NRG3: variants seen among roughly 807,000 people sequenced by gnomAD.
NRG3 encodes neuregulin 3, also known as pro-neuregulin-3, membrane-bound isoform.
Under a neutral mutation model 66.9 loss-of-function variants are expected in NRG3, and 31 were observed. The observed-to-expected ratio is 0.46, with a 90% CI of 0.35 to 0.63. The LOEUF is 0.63. Among genes scored for constraint, NRG3 ranks in the 20% least tolerant of loss-of-function variants. The pLI is 0.00. For missense variants in NRG3, 910 were observed against 878.9 expected (o/e 1.04, Z -0.45); for synonymous variants, 393 against 359.4 (o/e 1.09, Z -1.06).
In NRG3 at chr10:82,584,568, T is replaced by C. The variant is rs1259844748; in HGVS notation, c.954-154009T>C. On this transcript the variant is annotated intron_variant, in intron 2 of 8. Coordinates refer to ENST00000372141, the MANE Select transcript of NRG3 (RefSeq NM_001010848.4). ...CTTTGAAAAACTCTAGCTTGAACTT[T>C]GCAATCCTCACTTTCCTTTGGGAAT... is the stretch of plus-strand genomic sequence containing the variant. 3.9e-5 allele frequency among the ~76,000 whole-genome samples: 6 copies of C among 152,354 alleles called. No individual in the cohort carries two copies. In the East Asian group the frequency reaches 1.2e-3, roughly 29 times the overall value.
intron 1 of NRG3, among the ~76,000 whole-genome samples, chr10:81,912,020 C>T (rs770884767): frequency 1.3e-5 from 2 of 152,092 alleles, no homozygotes; most frequent in Non-Finnish European, 2.9e-5. Context: ...TAAAAAAAGT[C>T]TCCAAAATTA....
intron 3 of NRG3, among the ~76,000 whole-genome samples, chr10:82,783,847 G>T (rs1489196414): frequency 3.3e-5 from 5 of 152,140 alleles, no homozygotes; most frequent in South Asian, 4.2e-4. Context: ...CACAGAATTG[G>T]AAAAAACCAC....
chr10:82,588,299 T>G (rs2046788540), intron 2 of NRG3, among the ~76,000 whole-genome samples: 1 of 152,070 alleles, frequency 6.6e-6, no homozygotes, highest in Admixed American at 6.6e-5. Context: ...AGTTTTTGCT[T>G]TAGTAGTTCA....
At chr10:81,895,259 A>G (rs1297151670) in intron 1 of NRG3, among the ~76,000 whole-genome samples, 1 of 152,204 alleles carries the variant, frequency 6.6e-6, no homozygotes, top group Non-Finnish European at 1.5e-5. Flanking sequence ...CAAGCATTAC[A>G]GTTTTAAGAT....
chr10:82,924,762 C>G (rs1846814101), intron 4 of NRG3, among the ~76,000 whole-genome samples: 1 of 152,138 alleles, frequency 6.6e-6, no homozygotes, highest in South Asian at 2.1e-4. Context: ...CAATGATCCT[C>G]TGCATTTTGA....
At chr10:81,930,247 TA>T (rs1248165240) in intron 1 of NRG3, among the ~76,000 whole-genome samples, 1 of 152,060 alleles carries the variant, frequency 6.6e-6, no homozygotes, top group Non-Finnish European at 1.5e-5. Flanking sequence ...CCCCATAAGT[TA>T]AAGAGTATGG....
At chr10:82,060,504 A>G (rs924359211) in intron 1 of NRG3, among the ~76,000 whole-genome samples, 1 of 152,200 alleles carries the variant, frequency 6.6e-6, no homozygotes, top group Non-Finnish European at 1.5e-5. Context: ...GCATAGATCA[A>G]AGATGCAATA....
At chr10:82,946,211 T>TAAA (rs201328836) in intron 4 of NRG3, among the ~76,000 whole-genome samples, 7 of 129,154 alleles carry the variant, frequency 5.4e-5, no homozygotes, top group African/African-American at 1.4e-4. Context: ...ATTTGAGATT[T>TAAA]AAAAAAAAAA....
At chr10:82,856,638 G>C (rs181713849) in intron 3 of NRG3, among the ~76,000 whole-genome samples, 2 of 151,608 alleles carry the variant, frequency 1.3e-5, no homozygotes, top group African/African-American at 2.4e-5. Context: ...CAGCTACTTG[G>C]GGGGCTGAGA....
chr10:81,989,675 A>T (rs2060661881), intron 1 of NRG3, among the ~76,000 whole-genome samples: 1 of 152,094 alleles, frequency 6.6e-6, no homozygotes, highest in African/African-American at 2.4e-5. Flanking sequence ...TTTGGATTTG[A>T]GGTCATAGGA....
At chr10:82,106,951 T>A (rs974134092) in intron 1 of NRG3, among the ~76,000 whole-genome samples, 5 of 152,210 alleles carry the variant, frequency 3.3e-5, no homozygotes, top group African/African-American at 1.2e-4. Context: ...CCATTTGGTG[T>A]AGCAATTTAT....
intron 1 of NRG3, among the ~76,000 whole-genome samples, chr10:82,232,084 A>G (rs977989385): frequency 3.5e-4 from 54 of 152,198 alleles, no homozygotes; most frequent in African/African-American, 1.2e-3. Flanking sequence ...TCAGTTTTGC[A>G]AAGAATCAGA....
chr10:82,610,897 A>G (rs2048273352), intron 2 of NRG3, among the ~76,000 whole-genome samples: 1 of 152,182 alleles, frequency 6.6e-6, no homozygotes, highest in Non-Finnish European at 1.5e-5. Context: ...AGAAAGGACA[A>G]ATATTTTAAC....
intron 1 of NRG3, among the ~76,000 whole-genome samples, chr10:82,066,451 C>T (rs1482241460): frequency 5.3e-5 from 8 of 152,098 alleles, no homozygotes; most frequent in Non-Finnish European, 7.4e-5. Flanking sequence ...CTTACTGTTA[C>T]GTACTTTTCT....
intron 3 of NRG3, among the ~76,000 whole-genome samples, chr10:82,853,107 T>C (rs1376021886): frequency 6.6e-6 from 1 of 152,170 alleles, no homozygotes; most frequent in African/African-American, 2.4e-5. Flanking sequence ...CAATGAGCAA[T>C]AAATTATATA....
chr10:82,890,725 T>C (rs541983407), intron 4 of NRG3, among the ~76,000 whole-genome samples: 1 of 152,348 alleles, frequency 6.6e-6, no homozygotes, highest in Admixed American at 6.5e-5. Context: ...TTTTGTCCTT[T>C]GGTTTTCCAA....
chr10:82,721,373 C>G (rs1480221068), intron 2 of NRG3, among the ~76,000 whole-genome samples: 3 of 151,656 alleles, frequency 2.0e-5, no homozygotes, highest in Non-Finnish European at 4.4e-5. Flanking sequence ...CTTCTGACCT[C>G]GTGATCCGCC....
intron 3 of NRG3, among the ~76,000 whole-genome samples, chr10:82,803,663 C>A (rs2061149413): frequency 6.6e-6 from 1 of 152,036 alleles, no homozygotes. Context: ...TTGAGTTATT[C>A]CGGTGTTGAG....
intron 2 of NRG3, among the ~76,000 whole-genome samples, chr10:82,431,493 C>G (rs1233782258): frequency 3.9e-5 from 6 of 152,070 alleles, no homozygotes; most frequent in Non-Finnish European, 7.4e-5. Flanking sequence ...TTGTATAAGC[C>G]TTTACAAATG....
Sources: allele counts gnomAD v4.1 joint callset (sites outside exome capture counted in the v4.1 genomes callset), GRCh38; gene constraint gnomAD v4.1.1; transcripts MANE v1.5; gene names NCBI Gene and HGNC (gene_info 2026-07-23, HGNC 2026-07-21).